CLK1: variants seen among roughly 807,000 people sequenced by gnomAD.
The protein encoded by CLK1 is dual specificity protein kinase CLK1.
Under a neutral mutation model 60.9 loss-of-function variants are expected in CLK1, and 40 were observed. The observed-to-expected ratio is 0.66, with a 90% CI of 0.51 to 0.86. The LOEUF (loss-of-function observed/expected upper bound fraction) is 0.86, where lower values mean the gene tolerates loss of function less well. Among genes scored for constraint, CLK1 ranks in the 40% least tolerant of loss-of-function variants. CLK1 has a pLI of 0.00. For missense variants in CLK1, 563 were observed against 606.1 expected, an observed-to-expected ratio of 0.93 and a Z score of 0.75; for synonymous variants, 203 against 184.4, an observed-to-expected ratio of 1.10 and a Z score of -0.82.
intron 12 of CLK1, 103 bp from the exon 13 acceptor site, chr2:200,853,552 GAA>G: frequency 8.9e-7 from 1 of 1,121,116 alleles, no homozygotes; most frequent in Non-Finnish European, 1.2e-6. Flanking sequence ...CATAAAAACA[GAA>G]AAGAGGCCAG....
chr2:200,858,185 G>T lies in CLK1; in HGVS notation c.549-96C>A, dbSNP rs184654959. Reference sequence around the variant, plus strand: ...AACTGTACTACTACTCTGACCCACTGTATTTTTTTAATTTATGGTTTAGTG... The same window carrying T: ...AACTGTACTACTACTCTGACCCACTTTATTTTTTTAATTTATGGTTTAGTG... On this transcript the variant is annotated intron_variant, in intron 5 of 12. Coordinates refer to ENST00000321356, the MANE Select transcript of CLK1 (RefSeq NM_004071.4). 4.2e-5 allele frequency: 35 copies of T among 838,620 alleles called. No homozygotes were observed. The African/African-American group carries it at 4.9e-4, about 12-fold the overall frequency. The allele number at this position is 838,620 out of a possible 1,614,324, so 51.9% of individuals were successfully genotyped here. A position where few individuals can be genotyped will look rare whatever the true frequency, so the allele number is the denominator to read the frequency against.
At chr2:200,859,621 TA>T in intron 5 of CLK1, 58 bp downstream of exon 5, 1 of 1,399,184 alleles carries the variant, frequency 7.1e-7, no homozygotes, top group Non-Finnish European at 1.0e-6. Flanking sequence ...TTTCTAAAGC[TA>T]AATCAATTAC....
intron 5 of CLK1, among the ~76,000 whole-genome samples, chr2:200,858,870 T>TA (rs1279404088): frequency 6.9e-6 from 1 of 145,946 alleles, no homozygotes; most frequent in East Asian, 2.0e-4. Flanking sequence ...GAAAAAATTC[T>TA]ATACTATCTT....
Position 200,854,682 on chromosome 2 carries a change from T to C in CLK1, c.1154A>G (p.Lys385Arg). The C allele has an allele frequency of 6.2e-7, 1 of 1,604,268 alleles. No individual in the cohort carries two copies. Among genetic ancestry groups the C allele is most frequent in the Non-Finnish European group, 8.5e-7 (1 of 1,171,168 alleles). ...CCTTTCCATCATTGCTAAATGCTCC[T>C]TACTATCGTGTGTCTAGAAATAAAA... ...GFTVFPTHDSKEHLAMMERIL... is the reference protein window; with the variant it reads ...GFTVFPTHDSREHLAMMERIL... Residue 385 changes from lysine to arginine, a missense_variant, in exon 11 of 13, where the codon AAG becomes AGG. By Grantham distance (26) the Lys-to-Arg change is conservative. Around this residue, in one of 3 missense-constraint regions of CLK1, gnomAD observed 360 missense variants for 407.0 expected, o/e 0.88. Transcript: ENST00000321356.
intron 10 of CLK1, 105 bp from the exon 11 acceptor site, chr2:200,854,800 C>T: frequency 1.1e-6 from 1 of 869,784 alleles, no homozygotes; most frequent in South Asian, 1.5e-5. Context: ...AACAAACTCG[C>T]CAATGATTCC....
At chr2:200,860,421 A>G in intron 3 of CLK1, 2 of 1,288,516 alleles carry the variant, frequency 1.6e-6, no homozygotes, top group South Asian at 2.7e-5. Flanking sequence ...GGAGAAAAAC[A>G]TGGCAAGGAA....
intron 3 of CLK1, 55 bp from the exon 4 acceptor site, chr2:200,860,270 G>A (rs2039116087): frequency 2.5e-6 from 4 of 1,611,248 alleles, no homozygotes. Flanking sequence ...ATATACCCGA[G>A]TGAATTCAGG....
chr2:200,855,206 T>A, intron 9 of CLK1, 120 bp from the exon 10 acceptor site: 1 of 696,222 alleles, frequency 1.4e-6, no homozygotes, highest in Non-Finnish European at 2.4e-6. Flanking sequence ...CTGGGCACAG[T>A]GGCTCACACC....
chr2:200,856,097 G>C (rs1167497611), intron 9 of CLK1, among the ~76,000 whole-genome samples: 1 of 151,632 alleles, frequency 6.6e-6, no homozygotes, highest in Non-Finnish European at 1.5e-5. Context: ...TTCTGAGATG[G>C]AGTCTCGCTC....
chr2:200,857,188 C>A lies in CLK1; in HGVS notation c.833-203G>T, dbSNP rs566034301. On this transcript the variant is annotated intron_variant, in intron 7 of 12. Transcript: ENST00000321356. ...GGGTGTGGTGGCGTGTGCCTGTAGT[C>A]CTAGCTACTCGGGAGGCTGAGGCAG... 4 of 547,404 alleles carry A rather than the reference C, an allele frequency of 7.3e-6. No homozygotes were observed. The East Asian group carries it at 1.3e-4, about 17-fold the overall frequency. The allele number at this position is 547,404 out of a possible 1,614,324, so 33.9% of individuals were successfully genotyped here. A position where few individuals can be genotyped will look rare whatever the true frequency, so the allele number is the denominator to read the frequency against.
chr2:200,861,722 A>T lies in CLK1; in HGVS notation c.141T>A (p.Asn47Lys). ...CTTACCTATCACACATTTTAGAGTG[A>T]TTGTATTTGCAGCGCTTGTTCTCCT... ...SAQENKRCKY[N>K]HSKMCDSHYL... Residue 47 changes from asparagine to lysine, a missense_variant, in exon 2 of 13, where the codon AAT (asparagine) becomes AAA (lysine). Transcript: ENST00000321356. The T allele has an allele frequency of 6.2e-7, 1 of 1,614,088 alleles. No individual in the cohort carries two copies. The highest frequency in any genetic ancestry group is 8.5e-7 in the Non-Finnish European group (1 of 1,180,006).
At chr2:200,864,119 A>G in intron 1 of CLK1, 1 of 1,550,760 alleles carries the variant, frequency 6.4e-7, no homozygotes, top group East Asian at 2.5e-5. Context: ...ACGTTTCCCC[A>G]CAGCTGCTTG....
Position 200,857,153 on chromosome 2 carries a change from A to G in CLK1, c.833-168T>C, listed in dbSNP as rs41271453. 582 of 602,680 alleles carry G rather than the reference A, an allele frequency of 9.7e-4. 2 individuals are homozygous for G. Among genetic ancestry groups the G allele is most frequent in the Middle Eastern group, 2.3e-3 (5 of 2,220 alleles). The allele number at this position is 602,680 out of a possible 1,614,324, so 37.3% of individuals were successfully genotyped here. On this transcript the variant is annotated intron_variant, in intron 7 of 12. Transcript: ENST00000321356. Reference sequence around the variant, plus strand: ...AAACCCTGTCTCTACCAAAATTACAAAAATTGGCCGGGTGTGGTGGCGTGT... The same window carrying G: ...AAACCCTGTCTCTACCAAAATTACAGAAATTGGCCGGGTGTGGTGGCGTGT...
In CLK1 at chr2:200,861,229, C is replaced by T. The variant is rs2105741330; in HGVS notation, c.390+9G>A. On this transcript the variant is annotated intron_variant, in intron 3 of 12. Coordinates refer to ENST00000321356, the MANE Select transcript of CLK1 (RefSeq NM_004071.4). ...TAAAATTTCCAAAATGTTTTAAAAACGTTCATACCCCATGTGAACGACGAT... is the reference window on the plus strand; with the variant it reads ...TAAAATTTCCAAAATGTTTTAAAAATGTTCATACCCCATGTGAACGACGAT... 2 of 1,609,956 alleles carry T rather than the reference C, an allele frequency of 1.2e-6. No individual in the cohort carries two copies. The highest frequency in any genetic ancestry group is 8.5e-7 in the Non-Finnish European group (1 of 1,177,726).
chr2:200,855,095 C>G lies in CLK1; in HGVS notation c.1058-9G>C. 5.7e-6 allele frequency: 9 copies of G among 1,572,294 alleles called. No individual in the cohort carries two copies. The highest frequency in any genetic ancestry group is 7.7e-6 in the Non-Finnish European group (9 of 1,163,786). On this transcript the variant is annotated splice_polypyrimidine_tract_variant and intron_variant, in intron 9 of 12. Transcript: ENST00000321356. ...TTGGGACCACCCTAGGGCTGCAAAG[C>G]AAAGCAAAATTTAAGGAAAAAAAAT...
At position 200,859,679 on chromosome 2, in the gene CLK1, C is replaced by A; in HGVS notation, c.548+1G>T. 6.2e-7 allele frequency: 1 copy of A among 1,611,248 alleles called. No homozygotes were observed. Among genetic ancestry groups the A allele is most frequent in the Non-Finnish European group, 8.5e-7 (1 of 1,178,696 alleles). On this transcript the variant is annotated splice_donor_variant, in intron 5 of 12. Coordinates refer to ENST00000321356, the MANE Select transcript of CLK1 (RefSeq NM_004071.4). LOFTEE classifies it high-confidence loss of function. The stretch of plus-strand genomic sequence containing the variant: ...AAGTAATCCCAACATGGGAAACTTA[C>A]GCTTTATGATCGATGCACTCCACAA...
intron 9 of CLK1, among the ~76,000 whole-genome samples, chr2:200,855,527 A>C (rs1412163613): frequency 6.6e-6 from 1 of 151,930 alleles, no homozygotes; most frequent in African/African-American, 2.4e-5. Flanking sequence ...CAGGAGGCTG[A>C]GGTGGGACAA....
intron 4 of CLK1, 147 bp from the exon 5 acceptor site, chr2:200,859,893 A>AT: frequency 6.9e-7 from 1 of 1,443,462 alleles, no homozygotes; most frequent in South Asian, 1.5e-5. Flanking sequence ...ATCAAAAAAC[A>AT]TAATTATTAG....
rs2039009792 is a variant in CLK1, at chr2:200,854,627, TATC to T, written c.1206_1208del (p.Met402del). 1 of 1,591,754 alleles carries T rather than the reference TATC, an allele frequency of 6.3e-7. No homozygotes were observed. The highest frequency in any genetic ancestry group is 1.1e-5 in the South Asian group (1 of 90,622). On this transcript the variant is annotated inframe_deletion, in exon 11 of 13. Transcript: ENST00000321356. ...CTCTTAAAACGTACCTGGTTTTCTG[TATC>T]ATATGTTTTGGTAGAGGTCCAAGAA...
Sources: allele counts gnomAD v4.1 joint callset (sites outside exome capture counted in the v4.1 genomes callset), GRCh38; gene constraint gnomAD v4.1.1; regional missense constraint gnomAD v4.1.1; transcripts MANE v1.5; gene names NCBI Gene and HGNC (gene_info 2026-07-23, HGNC 2026-07-21).